Variants in NID2 observed in about 807,000 individuals in gnomAD.
NID2 encodes nidogen-2.
NID2 carries 83 observed loss-of-function variants against 145.4 expected under a neutral mutation model. The observed-to-expected ratio is 0.57, with a 90% confidence interval of 0.48 to 0.69. NID2 has a LOEUF of 0.69. Among genes scored for constraint, NID2 ranks in the 30% least tolerant of loss-of-function variants. The pLI, the probability that NID2 is intolerant of heterozygous loss-of-function variation, is 0.00. For missense variants in NID2, 1,807 were observed against 1,765.7 expected, an observed-to-expected ratio of 1.02 and a Z score of -0.42; for synonymous variants, 739 against 701.3, an observed-to-expected ratio of 1.05 and a Z score of -0.85.
At chr14:52,059,318 T>C (rs1892952521) in intron 3 of NID2, among the ~76,000 whole-genome samples, 1 of 152,164 alleles carries the variant, frequency 6.6e-6, no homozygotes, top group Admixed American at 6.5e-5. Context: ...GGTGTTTCTA[T>C]ACCTACCCAG....
chr14:52,042,353 A>G lies in NID2; in HGVS notation c.1580-3T>C. 3 of 1,603,448 alleles carry G rather than the reference A, an allele frequency of 1.9e-6. No homozygotes were observed. Among genetic ancestry groups the G allele is most frequent in the Non-Finnish European group, 2.6e-6 (3 of 1,172,032 alleles). ...CCCATTCACTCGGTGAGGTGCCCCT[A>G]AAAGACAGCAAATCCAGTTAGGCTT... On this transcript the variant is annotated splice_region_variant and splice_polypyrimidine_tract_variant and intron_variant, in intron 6 of 21. Coordinates refer to ENST00000216286, the MANE Select transcript of NID2 (RefSeq NM_007361.4).
chr14:52,068,083 G>A lies in NID2; in HGVS notation c.309C>T (p.Phe103=). 6.2e-7 allele frequency: 1 copy of A among 1,613,708 alleles called. No homozygotes were observed. Among genetic ancestry groups the A allele is most frequent in the Non-Finnish European group, 8.5e-7 (1 of 1,179,968 alleles). ...CCGCCAGAAAAGGGGCGATGGCCGG[G>A]AAGTCGGTGGGGAAATCATAGTCCA... The part of the protein sequence containing the change: ...QYVDYDFPTD[F]PAIAPFLADI... The change falls in exon 2 of 22, where the codon TTC becomes TTT. Residue 103 remains phenylalanine, a synonymous_variant. Transcript: ENST00000216286.
chr14:52,054,358 A>G (rs1429795842), intron 3 of NID2, 37 bp from the exon 4 acceptor site: 1 of 1,578,006 alleles, frequency 6.3e-7, no homozygotes, highest in Non-Finnish European at 8.6e-7. Flanking sequence ...AACAAATGTA[A>G]CAAAAGTGTC....
intron 18 of NID2, 68 bp from the exon 19 acceptor site, chr14:52,008,035 C>A (rs1391174054): frequency 3.1e-6 from 4 of 1,308,898 alleles, no homozygotes; most frequent in Non-Finnish European, 4.2e-6. Flanking sequence ...ATCTAAGCAG[C>A]CCCCAGTGAT....
chr14:52,030,501 G>GAAAGAAAGAA (rs1555363694), intron 9 of NID2, among the ~76,000 whole-genome samples: 5 of 34,936 alleles, frequency 1.4e-4, no homozygotes, highest in South Asian at 8.2e-4. Context: ...AAGAAAGAAA[G>GAAAGAAAGAA]AGAAAGAAAG....
intron 12 of NID2, among the ~76,000 whole-genome samples, chr14:52,026,451 A>G (rs748127125): frequency 5.9e-5 from 9 of 152,082 alleles, no homozygotes; most frequent in Non-Finnish European, 1.3e-4. Context: ...TTTTACCCTA[A>G]CTGTGTGTGT....
intron 12 of NID2, among the ~76,000 whole-genome samples, chr14:52,022,351 G>T (rs1687256980): frequency 6.6e-6 from 1 of 152,140 alleles, no homozygotes; most frequent in South Asian, 2.1e-4. Flanking sequence ...AGAAATTCCT[G>T]CCCCAAAGAT....
intron 11 of NID2, among the ~76,000 whole-genome samples, chr14:52,027,582 C>T (rs77101097): frequency 0.14 from 21,032 of 148,864 alleles, 1,488 homozygotes; most frequent in East Asian, 0.17. Flanking sequence ...CACAAAAACC[C>T]ATCACCTAAG....
chr14:52,044,489 C>G (rs1016459196), intron 5 of NID2, among the ~76,000 whole-genome samples: 2 of 152,106 alleles, frequency 1.3e-5, no homozygotes, highest in Non-Finnish European at 2.9e-5. Flanking sequence ...CCAGGATGGT[C>G]CTGATCTCCT....
intron 6 of NID2, 49 bp downstream of exon 6, chr14:52,042,733 G>T: frequency 6.3e-7 from 1 of 1,588,928 alleles, no homozygotes; most frequent in Non-Finnish European, 8.6e-7. Flanking sequence ...CTGGAAACAG[G>T]TAAGCAGCAG....
At chr14:52,027,056 G>T in intron 12 of NID2, 145 bp downstream of exon 12, 1 of 775,970 alleles carries the variant, frequency 1.3e-6, no homozygotes, top group Non-Finnish European at 1.8e-6. Flanking sequence ...TAACTCAAAG[G>T]ACGCTTTTTT....
intron 5 of NID2, among the ~76,000 whole-genome samples, chr14:52,051,008 C>G (rs1196122673): frequency 6.6e-6 from 1 of 152,138 alleles, no homozygotes. Flanking sequence ...ACAAAACGAC[C>G]AGAGCTCCCT....
intron 9 of NID2, among the ~76,000 whole-genome samples, chr14:52,033,095 C>T (rs889003066): frequency 6.6e-5 from 10 of 152,214 alleles, no homozygotes; most frequent in Non-Finnish European, 1.0e-4. Context: ...AACCATTTCA[C>T]GACTCATTCT....
chr14:52,038,037 C>T (rs1435011216), intron 9 of NID2, among the ~76,000 whole-genome samples: 1 of 152,254 alleles, frequency 6.6e-6, no homozygotes, highest in East Asian at 1.9e-4. Flanking sequence ...CACAAAATGT[C>T]ATCTGAGACT....
At chr14:52,019,867 C>A (rs1891339345) in intron 13 of NID2, among the ~76,000 whole-genome samples, 192 bp downstream of exon 13, 1 of 152,166 alleles carries the variant, frequency 6.6e-6, no homozygotes. Flanking sequence ...CTCCCGCAGG[C>A]CTCCAGAAAT....
chr14:52,007,625 AC>A, intron 19 of NID2, 184 bp downstream of exon 19: 1 of 616,606 alleles, frequency 1.6e-6, no homozygotes, highest in Non-Finnish European at 2.8e-6. Context: ...CCTTCCCTCC[AC>A]CCAAACCCCA....
At chr14:52,020,004 T>C (rs1212875838) in intron 13 of NID2, 55 bp downstream of exon 13, 4 of 1,596,760 alleles carry the variant, frequency 2.5e-6, no homozygotes, top group Non-Finnish European at 3.4e-6. Flanking sequence ...CATAGAAAAA[T>C]ATCCTTGAAG....
chr14:52,030,567 A>AGAAC (rs66551436), intron 9 of NID2, among the ~76,000 whole-genome samples: 18,515 of 99,030 alleles, frequency 0.19, 2,927 homozygotes, highest in Non-Finnish European at 0.22. Flanking sequence ...AAAGAAAGAA[A>AGAAC]GGAAGGAAGG....
rs757486823 is a variant in NID2, at chr14:52,067,924, G to A, written c.468C>T (p.Phe156=). ...CGCCTACCTGCTCCCAGGTGGCCAGGAAGGCGTGGGTGGGGGTAAAGCGCG... is the reference window on the plus strand; with the variant it reads ...CGCCTACCTGCTCCCAGGTGGCCAGAAAGGCGTGGGTGGGGGTAAAGCGCG... The part of the protein sequence containing the change: ...RSARFTPTHA[F]LATWEQVGAY... The change falls in exon 2 of 22, where the codon TTC becomes TTT. Residue 156 remains phenylalanine, a synonymous_variant. Coordinates refer to ENST00000216286, the MANE Select transcript of NID2 (RefSeq NM_007361.4). 1.1e-5 allele frequency: 18 copies of A among 1,612,796 alleles called. No individual in the cohort carries two copies. The highest frequency in any genetic ancestry group is 1.5e-5 in the Non-Finnish European group (18 of 1,179,800).
Sources: allele counts gnomAD v4.1 joint callset (sites outside exome capture counted in the v4.1 genomes callset), GRCh38; gene constraint gnomAD v4.1.1; transcripts MANE v1.5; gene names NCBI Gene and HGNC (gene_info 2026-07-23, HGNC 2026-07-21).